Variants in TMC2 observed in about 807,000 individuals in gnomAD.
The protein encoded by TMC2 is transmembrane channel-like protein 2.
A neutral mutation model predicts 105.9 loss-of-function variants in TMC2; 102 were observed. That is an observed-to-expected ratio of 0.96 (90% CI 0.82 to 1.14). TMC2 has a LOEUF of 1.14. TMC2 is among the 50% of genes most tolerant of loss of function. TMC2 has a pLI of 0.00. For missense variants in TMC2, 1,093 were observed against 1,134.3 expected (o/e 0.96, Z 0.52); for synonymous variants, 402 against 422.8 (o/e 0.95, Z 0.60).
At chr20:2,586,579 G>T (rs188993205) in intron 7 of TMC2, among the ~76,000 whole-genome samples, 2 of 152,206 alleles carry the variant, frequency 1.3e-5, no homozygotes, top group Admixed American at 1.3e-4. Context: ...ATCACTTGGC[G>T]AGAGCAGGAG....
intron 9 of TMC2, 118 bp from the exon 10 acceptor site, chr20:2,597,033 T>C: frequency 8.8e-7 from 1 of 1,142,134 alleles, no homozygotes; most frequent in Non-Finnish European, 1.2e-6. Context: ...GTTTTGTCAC[T>C]GAATGTCAGC....
rs71193976 is a variant in TMC2, at chr20:2,564,150, C to CTTTTT, written c.554+2154_554+2158dup. On this transcript the variant is annotated intron_variant, in intron 4 of 19. Coordinates refer to ENST00000358864, the MANE Select transcript of TMC2 (RefSeq NM_080751.3). Reference sequence around the variant, plus strand: ...GGACTGTCTTCCTTCTCAGCCTCCTCTTTTTTTTTTTTTTTTTTGAGATGG... The same window carrying CTTTTT: ...GGACTGTCTTCCTTCTCAGCCTCCTCTTTTTTTTTTTTTTTTTTTTTTTGAGATGG... Among the ~76,000 whole-genome samples the CTTTTT allele has an allele frequency of 7.2e-4, 86 of 120,024 alleles. 3 individuals carry two copies. The highest frequency in any genetic ancestry group is 1.0e-3 in the South Asian group (4 of 3,830). 78.7% of individuals were successfully genotyped at this position (120,024 alleles called of 152,430 possible).
intron 11 of TMC2, among the ~76,000 whole-genome samples, chr20:2,606,891 C>CTTT (rs11476357): frequency 5.4e-4 from 45 of 83,962 alleles, no homozygotes; most frequent in African/African-American, 1.4e-3. Context: ...TTTCTTTTTT[C>CTTT]TTTTTTTTTT....
At position 2,575,996 on chromosome 20, in the gene TMC2, T is replaced by C. The variant is rs76339547; in HGVS notation, c.646-3150T>C. On this transcript the variant is annotated intron_variant, in intron 5 of 19. Coordinates refer to ENST00000358864, the MANE Select transcript of TMC2 (RefSeq NM_080751.3). ...CTATTAGGAATGCTGACCTGCTTTC[T>C]AGAATTTATGTATGTATCTTGGAGG... Among the ~76,000 whole-genome samples, 522 of 152,356 alleles carry C rather than the reference T, an allele frequency of 3.4e-3. 3 individuals are homozygous for C. Among genetic ancestry groups the C allele is most frequent in the African/African-American group, 0.012 (483 of 41,576 alleles).
intron 5 of TMC2, among the ~76,000 whole-genome samples, chr20:2,575,431 TATGAA>T (rs112018463): frequency 0.12 from 18,060 of 152,188 alleles, 1,292 homozygotes; most frequent in African/African-American, 0.2. Context: ...CTTCACTAGT[TATGAA>T]TGTTACCGTC....
At chr20:2,611,231 G>A (rs1175904011) in intron 12 of TMC2, among the ~76,000 whole-genome samples, 4 of 152,202 alleles carry the variant, frequency 2.6e-5, no homozygotes, top group South Asian at 2.1e-4. Context: ...GAGCAGAAGA[G>A]TGAAAAATTT....
In TMC2 at chr20:2,543,903, G is replaced by GATTTTTTTTT. The variant is rs3051735; in HGVS notation, c.82+6587_82+6588insATTTTTTTTT. 1.4e-5 allele frequency among the ~76,000 whole-genome samples: 2 copies of GATTTTTTTTT among 144,184 alleles called. 1 individual carries two copies. 94.6% of individuals were successfully genotyped at this position (144,184 alleles called of 152,430 possible). On this transcript the variant is annotated intron_variant, in intron 2 of 19. Transcript: ENST00000358864. ...GGCAGCTGTTTCAACCTGCATGTCAGTTTTTTTTTTTTTTTTTGAGACAGA... is the reference window on the plus strand; with the variant it reads ...GGCAGCTGTTTCAACCTGCATGTCAGATTTTTTTTTTTTTTTTTTTTTTTTTTGAGACAGA...
intron 2 of TMC2, among the ~76,000 whole-genome samples, chr20:2,539,332 AC>A (rs1489854535): frequency 1.3e-5 from 2 of 152,208 alleles, no homozygotes; most frequent in Admixed American, 1.3e-4. Flanking sequence ...CTTGTTTTCC[AC>A]ATTCCATGTG....
intron 16 of TMC2, among the ~76,000 whole-genome samples, chr20:2,620,769 C>T (rs570786096): frequency 6.6e-6 from 1 of 152,202 alleles, no homozygotes; most frequent in African/African-American, 2.4e-5. Flanking sequence ...AACTGTGAAC[C>T]CACAAGGGCA....
intron 16 of TMC2, among the ~76,000 whole-genome samples, chr20:2,622,528 C>T (rs1207103397): frequency 6.6e-6 from 1 of 151,914 alleles, no homozygotes; most frequent in African/African-American, 2.4e-5. Flanking sequence ...ATTAGCCGGG[C>T]GTAGTGGTGC....
chr20:2,628,632 C>G lies in TMC2; in HGVS notation c.2306+4236C>G, dbSNP rs534187485. 2.0e-5 allele frequency among the ~76,000 whole-genome samples: 3 copies of G among 152,282 alleles called. No individual in the cohort carries two copies. In the South Asian group the frequency reaches 6.2e-4, roughly 32 times the overall value. On this transcript the variant is annotated intron_variant, in intron 17 of 19. Coordinates refer to ENST00000358864, the MANE Select transcript of TMC2 (RefSeq NM_080751.3). ...TGATGGTTTTATAAGGGGCTCTTCC[C>G]ACTTTGCTCGGCACTTCTCCTTCCC...
chr20:2,543,040 C>T (rs375122450), intron 2 of TMC2, among the ~76,000 whole-genome samples: 12 of 151,898 alleles, frequency 7.9e-5, no homozygotes, highest in East Asian at 5.8e-4. Flanking sequence ...AGTTTGAGAC[C>T]AGCCTGGCCA....
chr20:2,583,024 A>G (rs1568513732), intron 7 of TMC2, among the ~76,000 whole-genome samples: 1 of 152,200 alleles, frequency 6.6e-6, no homozygotes, highest in Non-Finnish European at 1.5e-5. Context: ...CACTGGATGT[A>G]TGTGAAAATC....
Position 2,558,252 on chromosome 20 carries a change from C to T in TMC2, c.83-204C>T. Reference sequence around the variant, plus strand: ...AGGGAGAAGGCCAGAGAGTGACCTTCCTGCTTCTGCAGTTTTCTTAGTTTC... The same window carrying T: ...AGGGAGAAGGCCAGAGAGTGACCTTTCTGCTTCTGCAGTTTTCTTAGTTTC... On this transcript the variant is annotated intron_variant, in intron 2 of 19. Transcript: ENST00000358864. The surrounding 1 kb of genome is among the most constrained non-coding windows in gnomAD (Gnocchi z 4.6). 1 of 1,293,492 alleles carries T rather than the reference C, an allele frequency of 7.7e-7. No individual in the cohort carries two copies. The highest frequency in any genetic ancestry group is 1.0e-6 in the Non-Finnish European group (1 of 969,628). 80.1% of individuals were successfully genotyped at this position (1,293,492 alleles called of 1,614,324 possible). A position where few individuals can be genotyped will look rare whatever the true frequency, so the allele number is the denominator to read the frequency against.
At chr20:2,575,579 ATGT>A (rs2086138405) in intron 5 of TMC2, among the ~76,000 whole-genome samples, 1 of 152,202 alleles carries the variant, frequency 6.6e-6, no homozygotes, top group African/African-American at 2.4e-5. Context: ...ACACAATACC[ATGT>A]TGTTAAGTGT....
chr20:2,594,688 G>A (rs1012256803), intron 8 of TMC2, 137 bp from the exon 9 acceptor site: 5 of 861,112 alleles, frequency 5.8e-6, no homozygotes, highest in Admixed American at 5.6e-5. Flanking sequence ...GGAAGAACAA[G>A]AACATCTGGA....
Position 2,616,067 on chromosome 20 carries a change from G to C in TMC2, c.1873-70G>C. The C allele has an allele frequency of 7.6e-7, 1 of 1,321,310 alleles. No individual in the cohort carries two copies. The highest frequency in any genetic ancestry group is 1.8e-5 in the Admixed American group (1 of 54,488). The allele number at this position is 1,321,310 out of a possible 1,614,324, so 81.8% of individuals were successfully genotyped here. A position where few individuals can be genotyped will look rare whatever the true frequency, so the allele number is the denominator to read the frequency against. Reference sequence around the variant, plus strand: ...GGCTTGGCCAGTTGGTTGGTAGTAGGGTTTGGCTGAATTCACCAAACGTGC... The same window carrying C: ...GGCTTGGCCAGTTGGTTGGTAGTAGCGTTTGGCTGAATTCACCAAACGTGC... On this transcript the variant is annotated intron_variant, in intron 14 of 19. Coordinates refer to ENST00000358864, the MANE Select transcript of TMC2 (RefSeq NM_080751.3). The surrounding 1 kb of genome is among the most constrained non-coding windows in gnomAD (Gnocchi z 4.8).
intron 5 of TMC2, among the ~76,000 whole-genome samples, chr20:2,577,380 G>A (rs568508082): frequency 6.6e-6 from 1 of 152,250 alleles, no homozygotes; most frequent in Non-Finnish European, 1.5e-5. Context: ...GCTAGGGAGG[G>A]CGGATGAAGC....
At chr20:2,622,313 T>C (rs572919941) in intron 16 of TMC2, among the ~76,000 whole-genome samples, 1 of 152,336 alleles carries the variant, frequency 6.6e-6, no homozygotes, top group East Asian at 1.9e-4. Context: ...GTATTCCTGT[T>C]TTGACTTGCT....
Sources: allele counts gnomAD v4.1 joint callset (sites outside exome capture counted in the v4.1 genomes callset), GRCh38; gene constraint gnomAD v4.1.1; non-coding constraint Gnocchi (gnomAD v3.1); transcripts MANE v1.5; gene names NCBI Gene and HGNC (gene_info 2026-07-23, HGNC 2026-07-21).